USP54: variants seen among roughly 807,000 people sequenced by gnomAD.
The protein encoded by USP54 is ubiquitin carboxyl-terminal hydrolase 54.
Under a neutral mutation model 170.5 loss-of-function variants are expected in USP54, and 87 were observed. That is an observed-to-expected ratio of 0.51 (90% CI 0.43 to 0.61). The LOEUF (loss-of-function observed/expected upper bound fraction) is 0.61. Ranked by LOEUF, USP54 falls within the 20% of genes least tolerant of loss-of-function variation. USP54 has a pLI of 0.00. For missense variants in USP54, 1,786 were observed against 2,047.8 expected, an observed-to-expected ratio of 0.87 and a Z score of 2.47; for synonymous variants, 655 against 742.8, an observed-to-expected ratio of 0.88 and a Z score of 1.92.
rs1174045493 is a variant in USP54 at position 73,545,660 on chromosome 10, G to A, written c.253C>T (p.Gln85Ter). The A allele has an allele frequency of 6.2e-7, 1 of 1,614,008 alleles. No individual in the cohort carries two copies. Among genetic ancestry groups the A allele is most frequent in the Non-Finnish European group, 8.5e-7 (1 of 1,179,948 alleles). The change falls in exon 5 of 24, where the codon CAG becomes TAG. Residue 85 changes from glutamine to a stop codon, truncating the protein, a stop_gained. Coordinates refer to ENST00000687698, the MANE Select transcript of USP54 (RefSeq NM_001391956.1). LOFTEE classifies it high-confidence loss of function. ...ACTTTTTCACTACTACACTGAAACT[G>A]GTTAAAGATTCCCTATAGGGAAGAG... ...IFCALKGIFN[Q>*]FQCSSEKVLP...
In USP54 at chr10:73,618,138, G is replaced by A. The variant is rs533828192; in HGVS notation, c.-18+7429C>T. ...AGGCAGGAAAATTGCTTGAACCCGG[G>A]AGGCGGAGGTTGCAGTGAACCGAGA... On this transcript the variant is annotated intron_variant, in intron 1 of 22. Coordinates refer to the USP54 transcript ENST00000339859. 5.9e-4 allele frequency among the ~76,000 whole-genome samples: 88 copies of A among 149,940 alleles called. 4 individuals carry two copies. Among genetic ancestry groups the A allele is most frequent in the Admixed American group, 5.3e-4 (8 of 15,204 alleles).
intron 4 of USP54, among the ~76,000 whole-genome samples, chr10:73,558,811 C>G: frequency 6.6e-6 from 1 of 152,068 alleles, no homozygotes. Flanking sequence ...TTTGACACCC[C>G]AAAAACTTAA....
intron 4 of USP54, among the ~76,000 whole-genome samples, chr10:73,565,685 C>T (rs80099024): frequency 0.035 from 5,362 of 152,180 alleles, 152 homozygotes; most frequent in South Asian, 0.11. Flanking sequence ...TACCACCACA[C>T]TGGAAAAGAA....
At chr10:73,610,409 G>C (rs1281850820) in intron 1 of USP54, among the ~76,000 whole-genome samples, 1 of 152,084 alleles carries the variant, frequency 6.6e-6, no homozygotes, top group African/African-American at 2.4e-5. Flanking sequence ...ATCACTCGAG[G>C]TCAGGAGTTT....
intron 10 of USP54, among the ~76,000 whole-genome samples, chr10:73,536,939 G>A (rs924220417): frequency 2.6e-5 from 4 of 152,190 alleles, no homozygotes; most frequent in African/African-American, 9.7e-5. Flanking sequence ...GTTCGCAAAT[G>A]GTAGGATATA....
intron 5 of USP54, 24 bp from the exon 6 acceptor site, chr10:73,543,155 G>A: frequency 6.6e-7 from 1 of 1,506,748 alleles, no homozygotes; most frequent in Non-Finnish European, 9.2e-7. Flanking sequence ...AACAAAAGCA[G>A]TATACCAACA....
chr10:73,608,273 A>C (rs1321673825), intron 1 of USP54, among the ~76,000 whole-genome samples: 1 of 151,988 alleles, frequency 6.6e-6, no homozygotes, highest in Non-Finnish European at 1.5e-5. Context: ...AACAAAAAAA[A>C]CAAAAAAAAA....
At position 73,523,704 on chromosome 10, in the gene USP54, C is replaced by T; in HGVS notation, c.2241G>A (p.Glu747=). 1 of 1,613,828 alleles carries T rather than the reference C, an allele frequency of 6.2e-7. No homozygotes were observed. Among genetic ancestry groups the T allele is most frequent in the Non-Finnish European group, 8.5e-7 (1 of 1,179,872 alleles). Residue 747 remains glutamate (E), a synonymous_variant, in exon 17 of 24, where the codon GAG becomes GAA. Transcript: ENST00000687698. ...SKSELDELQE[E]VARRAQEQEL... ...CCTGTTCCTGCGCCCTCCTGGCCAC[C>T]TCTTCCTGCAATTCATCCAGTTCAC...
At chr10:73,523,556 C>G in intron 17 of USP54, 27 bp downstream of exon 17, 1 of 1,563,548 alleles carries the variant, frequency 6.4e-7, no homozygotes, top group Non-Finnish European at 8.7e-7. Context: ...TCCCCATCAC[C>G]CACAACCTAA....
intron 22 of USP54, chr10:73,504,614 GGAAACCC>G: frequency 1.8e-6 from 1 of 567,748 alleles, no homozygotes; most frequent in Non-Finnish European, 3.1e-6. Flanking sequence ...TCTCACCCCA[GGAAACCC>G]TACAACACGC....
intron 12 of USP54, among the ~76,000 whole-genome samples, chr10:73,531,270 G>A (rs555846889): frequency 1.1e-4 from 17 of 148,774 alleles, no homozygotes; most frequent in African/African-American, 3.5e-4. Flanking sequence ...CAGCCTGGAC[G>A]ACAGAGCAAG....
At chr10:73,600,274 TA>T (rs1162238480) in intron 1 of USP54, among the ~76,000 whole-genome samples, 5 of 152,122 alleles carry the variant, frequency 3.3e-5, no homozygotes, top group African/African-American at 1.2e-4. Flanking sequence ...TTTTCTCTGC[TA>T]AAAATTGATT....
At chr10:73,604,872 A>G (rs1255058464) in intron 1 of USP54, among the ~76,000 whole-genome samples, 1 of 152,072 alleles carries the variant, frequency 6.6e-6, no homozygotes, top group Non-Finnish European at 1.5e-5. Flanking sequence ...TTGAAGAGCA[A>G]AAGAACAAAG....
intron 12 of USP54, among the ~76,000 whole-genome samples, chr10:73,531,732 G>A (rs1383787238): frequency 6.6e-6 from 1 of 152,146 alleles, no homozygotes; most frequent in Non-Finnish European, 1.5e-5. Context: ...GCTCCATCCA[G>A]AGATTACACT....
chr10:73,513,924 C>T (rs1383131424), intron 20 of USP54, among the ~76,000 whole-genome samples: 1 of 152,122 alleles, frequency 6.6e-6, no homozygotes, highest in Non-Finnish European at 1.5e-5. Context: ...AAGCAATTCT[C>T]CTGCCATCAG....
At chr10:73,583,661 A>ACTT (rs1239641620) in intron 1 of USP54, among the ~76,000 whole-genome samples, 2 of 152,094 alleles carry the variant, frequency 1.3e-5, no homozygotes, top group Non-Finnish European at 2.9e-5. Flanking sequence ...AGGCAGGAGG[A>ACTT]CTTTTTGAGC....
chr10:73,524,571 A>G (rs1480059244), intron 16 of USP54, among the ~76,000 whole-genome samples: 2 of 152,112 alleles, frequency 1.3e-5, no homozygotes, highest in Non-Finnish European at 1.5e-5. Context: ...CAAGAGCAAG[A>G]CTTCGTCTCA....
At chr10:73,615,028 G>A (rs774697092) in intron 1 of USP54, 2 of 150,288 alleles carry the variant, frequency 1.3e-5, no homozygotes, top group Admixed American at 6.6e-5. Context: ...GGTGTGGATA[G>A]TTAATGGGTA....
intron 1 of USP54, among the ~76,000 whole-genome samples, chr10:73,580,132 TG>T (rs2076690572): frequency 1.3e-5 from 2 of 151,862 alleles, no homozygotes; most frequent in South Asian, 4.2e-4. Flanking sequence ...AAGACCAGCC[TG>T]GCCAACATGG....
Sources: gnomAD v4.1 joint callset for allele counts (sites outside exome capture counted in the v4.1 genomes callset) on GRCh38, gnomAD v4.1.1 for gene constraint, MANE v1.5 for transcripts, NCBI Gene and HGNC (gene_info 2026-07-23, HGNC 2026-07-21) for gene names.